Variants in GABRA4 observed in about 807,000 individuals in gnomAD.
The protein encoded by GABRA4 is gamma-aminobutyric acid type A receptor subunit alpha4.
A neutral mutation model predicts 49.7 loss-of-function variants in GABRA4; 12 were observed. The ratio of observed to expected loss-of-function variants is 0.24; its 90% confidence interval spans 0.15 to 0.39. The LOEUF (loss-of-function observed/expected upper bound fraction) is 0.39. Among genes scored for constraint, GABRA4 ranks in the 10% least tolerant of loss-of-function variants. GABRA4 has a pLI of 1.00. For synonymous variants in GABRA4, 288 were observed against 240.2 expected, an observed-to-expected ratio of 1.20 and a Z score of -1.84; for missense variants, 506 against 686.0, an observed-to-expected ratio of 0.74 and a Z score of 2.93.
Position 46,922,386 on chromosome 4 carries a change from T to C in GABRA4, c.*5839A>G, listed in dbSNP as rs1721068699. On this transcript the variant is annotated 3_prime_UTR_variant, in exon 9 of 9. Coordinates refer to ENST00000264318, the MANE Select transcript of GABRA4 (RefSeq NM_000809.4). Reference sequence around the variant, plus strand: ...CTGATCTGACTCACCCTCCCACCACTTCCCACACTGTAGTTCAGTAAATAG... The same window carrying C: ...CTGATCTGACTCACCCTCCCACCACCTCCCACACTGTAGTTCAGTAAATAG... 1 of 152,124 alleles carries C rather than the reference T, an allele frequency of 6.6e-6. No individual in the cohort carries two copies. The highest frequency in any genetic ancestry group is 6.6e-5 in the Admixed American group (1 of 15,250). 9.4% of individuals were successfully genotyped at this position (152,124 alleles called of 1,614,324 possible).
intron 8 of GABRA4, among the ~76,000 whole-genome samples, chr4:46,948,255 G>A (rs1270986755): frequency 1.3e-5 from 2 of 151,972 alleles, no homozygotes; most frequent in Non-Finnish European, 2.9e-5. Flanking sequence ...TCCAATCTGT[G>A]TGTTACCCTG....
intron 8 of GABRA4, among the ~76,000 whole-genome samples, chr4:46,947,580 G>A (rs1014157706): frequency 4.0e-5 from 6 of 151,708 alleles, no homozygotes; most frequent in African/African-American, 9.7e-5. Context: ...GCGCAAAAAA[G>A]GAAGGAAGGA....
chr4:46,948,094 T>C (rs924546568), intron 8 of GABRA4, among the ~76,000 whole-genome samples: 1 of 152,260 alleles, frequency 6.6e-6, no homozygotes, highest in Non-Finnish European at 1.5e-5. Flanking sequence ...TTTATTTTAC[T>C]TTATCAACTA....
chr4:46,971,375 A>C, intron 6 of GABRA4, 140 bp from the exon 7 acceptor site: 1 of 721,956 alleles, frequency 1.4e-6, no homozygotes, highest in Non-Finnish European at 2.4e-6. Context: ...AACATCAATA[A>C]GTATGTAGTT....
At position 46,924,430 on chromosome 4, in the gene GABRA4, T is replaced by C. The variant is rs1046079019; in HGVS notation, c.*3795A>G. The C allele has an allele frequency of 1.3e-5, 2 of 152,024 alleles. No individual in the cohort carries two copies. Among genetic ancestry groups the C allele is most frequent in the Admixed American group, 1.3e-4 (2 of 15,232 alleles). The allele number at this position is 152,024 out of a possible 1,614,324, so 9.4% of individuals were successfully genotyped here. A position where few individuals can be genotyped will look rare whatever the true frequency, so the allele number is the denominator to read the frequency against. On this transcript the variant is annotated 3_prime_UTR_variant, in exon 9 of 9. Transcript: ENST00000264318. ...TAGTTACATCCCATAATTTTTTGTC[T>C]ATGCATCTATCATCTCTTCCGGACT...
chr4:46,976,997 A>T (rs1418771529), intron 5 of GABRA4, 64 bp downstream of exon 5: 18 of 882,286 alleles, frequency 2.0e-5, no homozygotes, highest in Non-Finnish European at 3.3e-5. Context: ...AATAAAATAC[A>T]TGTGTAAATA....
At chr4:46,967,089 T>A (rs535366822) in intron 7 of GABRA4, among the ~76,000 whole-genome samples, 4 of 151,806 alleles carry the variant, frequency 2.6e-5, no homozygotes, top group Admixed American at 2.6e-4. Context: ...GATGAAAATG[T>A]TTTTCTTGTT....
At chr4:46,978,897 A>T (rs1723249753) in intron 3 of GABRA4, 134 bp downstream of exon 3, 1 of 682,600 alleles carries the variant, frequency 1.5e-6, no homozygotes, top group Admixed American at 2.6e-5. Flanking sequence ...CTCTTCATAC[A>T]TTCTTAAGTT....
chr4:46,979,863 C>T (rs149960734), intron 2 of GABRA4, among the ~76,000 whole-genome samples: 3,242 of 152,148 alleles, frequency 0.021, 56 homozygotes, highest in Middle Eastern at 0.041. Context: ...TTTCCCGTAT[C>T]TAAATAAGAC....
At chr4:46,987,873 A>G (rs1723596903) in intron 2 of GABRA4, among the ~76,000 whole-genome samples, 17 of 151,480 alleles carry the variant, frequency 1.1e-4, no homozygotes, top group Admixed American at 1.1e-3. Context: ...CATTTAGAAA[A>G]CTCCAATTGC....
chr4:46,965,573 G>A (rs1722725311), intron 7 of GABRA4, among the ~76,000 whole-genome samples: 1 of 151,720 alleles, frequency 6.6e-6, no homozygotes, highest in Admixed American at 6.6e-5. Flanking sequence ...ACAGTGGGAT[G>A]ATCCTGGAAA....
In GABRA4 at chr4:46,922,403, A is replaced by G. The variant is rs1160538425; in HGVS notation, c.*5822T>C. ...CCCACCACTTCCCACACTGTAGTTCAGTAAATAGCTGGCTCTGCTCAGTGA... is the reference window on the plus strand; with the variant it reads ...CCCACCACTTCCCACACTGTAGTTCGGTAAATAGCTGGCTCTGCTCAGTGA... On this transcript the variant is annotated 3_prime_UTR_variant, in exon 9 of 9. Coordinates refer to ENST00000264318, the MANE Select transcript of GABRA4 (RefSeq NM_000809.4). 2 of 152,154 alleles carry G rather than the reference A, an allele frequency of 1.3e-5. No individual in the cohort carries two copies. Among genetic ancestry groups the G allele is most frequent in the African/African-American group, 4.8e-5 (2 of 41,438 alleles). 9.4% of individuals were successfully genotyped at this position (152,154 alleles called of 1,614,324 possible). A position where few individuals can be genotyped will look rare whatever the true frequency, so the allele number is the denominator to read the frequency against.
intron 8 of GABRA4, among the ~76,000 whole-genome samples, chr4:46,934,258 A>G (rs978490956): frequency 6.6e-6 from 1 of 152,214 alleles, no homozygotes; most frequent in African/African-American, 2.4e-5. Flanking sequence ...ACATTTATTC[A>G]AGATCATTTG....
intron 3 of GABRA4, 48 bp downstream of exon 3, chr4:46,978,983 T>A: frequency 8.3e-7 from 1 of 1,207,308 alleles, no homozygotes; most frequent in Non-Finnish European, 1.2e-6. Context: ...CTTTTCTACA[T>A]GTTTTCTTCA....
At chr4:46,964,223 T>A (rs547334508) in intron 8 of GABRA4, among the ~76,000 whole-genome samples, 2 of 151,714 alleles carry the variant, frequency 1.3e-5, no homozygotes, top group African/African-American at 2.4e-5. Context: ...ACAATTGAAC[T>A]CATGAACATA....
At position 46,927,521 on chromosome 4, in the gene GABRA4, T is replaced by C. The variant is rs1019651975; in HGVS notation, c.*704A>G. 1.3e-5 allele frequency: 2 copies of C among 152,504 alleles called. No homozygotes were observed. The highest frequency in any genetic ancestry group is 2.9e-5 in the Non-Finnish European group (2 of 67,994). The allele number at this position is 152,504 out of a possible 1,614,324, so 9.4% of individuals were successfully genotyped here. Reference sequence around the variant, plus strand: ...GAACACAGTAGGCTCTGAATAACTATGTAGTAAATAAACACATAACTGAAT... The same window carrying C: ...GAACACAGTAGGCTCTGAATAACTACGTAGTAAATAAACACATAACTGAAT... On this transcript the variant is annotated 3_prime_UTR_variant, in exon 9 of 9. Coordinates refer to ENST00000264318, the MANE Select transcript of GABRA4 (RefSeq NM_000809.4).
Position 46,965,064 on chromosome 4 carries a change from T to G in GABRA4, c.1040A>C (p.Gln347Pro). The change falls in exon 8 of 9, where the codon CAA becomes CCA. Residue 347 changes from glutamine to proline, a missense_variant. By Grantham distance (76) the Gln-to-Pro change is moderately conservative. Coordinates refer to ENST00000264318, the MANE Select transcript of GABRA4 (RefSeq NM_000809.4). ...TGTCTTCCTTTTGGCTTTTTCCATT[T>G]GAATATTGGTGAAATAGTTGACAGC... is the stretch of plus-strand genomic sequence containing the variant. ...FAAVNYFTNI[Q>P]MEKAKRKTSK... 3.7e-6 allele frequency: 6 copies of G among 1,612,092 alleles called. No homozygotes were observed. The highest frequency in any genetic ancestry group is 5.1e-6 in the Non-Finnish European group (6 of 1,178,822).
intron 8 of GABRA4, among the ~76,000 whole-genome samples, chr4:46,933,858 C>T (rs1196925075): frequency 6.6e-6 from 1 of 152,118 alleles, no homozygotes; most frequent in Non-Finnish European, 1.5e-5. Flanking sequence ...TGTCATTAGT[C>T]ACAATAGCCT....
chr4:46,971,298 T>G, intron 6 of GABRA4, 63 bp from the exon 7 acceptor site: 1 of 1,443,442 alleles, frequency 6.9e-7, no homozygotes, highest in Non-Finnish European at 9.7e-7. Flanking sequence ...AATGGCTTCA[T>G]AAACATATTT....
Sources: gnomAD v4.1 joint callset for allele counts (sites outside exome capture counted in the v4.1 genomes callset) on GRCh38, gnomAD v4.1.1 for gene constraint, MANE v1.5 for transcripts, NCBI Gene and HGNC (gene_info 2026-07-23, HGNC 2026-07-21) for gene names.